Variants in IGSF11 observed in about 807,000 individuals in gnomAD.
IGSF11 encodes the protein CXADR like 1.
In IGSF11, 22 loss-of-function variants were observed where a neutral mutation model predicts 41.0. The observed-to-expected ratio is 0.54, with a 90% CI of 0.38 to 0.77. IGSF11 has a LOEUF of 0.77. IGSF11 is among the 30% of genes least tolerant of loss of function. The probability of loss-of-function intolerance (pLI) is 0.00; values close to 1 mark genes in which losing one functional copy is unlikely to be tolerated. For missense variants in IGSF11, 444 were observed against 530.8 expected (o/e 0.84, Z 1.61); for synonymous variants, 219 against 201.3 (o/e 1.09, Z -0.74).
rs148641453 is a variant in IGSF11, at chr3:118,932,502, AG to A, written c.53-2228del. Among the ~76,000 whole-genome samples the A allele has an allele frequency of 2.9e-3, 444 of 152,374 alleles. 2 individuals are homozygous for A. The highest frequency in any genetic ancestry group is 7.2e-3 in the South Asian group (35 of 4,832). ...AAATGTTTCATAAACTGTCTGTGATAGAACATAAAGCATTTGATGACATCAG... is the reference window on the plus strand; with the variant it reads ...AAATGTTTCATAAACTGTCTGTGATAAACATAAAGCATTTGATGACATCAG... On this transcript the variant is annotated intron_variant, in intron 1 of 6. Coordinates refer to ENST00000393775, the MANE Select transcript of IGSF11 (RefSeq NM_001015887.3).
At chr3:119,048,992 G>A (rs1357983956) in intron 1 of IGSF11, among the ~76,000 whole-genome samples, 5 of 151,944 alleles carry the variant, frequency 3.3e-5, no homozygotes, top group African/African-American at 7.3e-5. Flanking sequence ...TTGATGGGAC[G>A]TATTTCAAAA....
intron 1 of IGSF11, among the ~76,000 whole-genome samples, chr3:119,044,664 C>G (rs251453): frequency 0.44 from 67,193 of 151,916 alleles, 15,546 homozygotes; most frequent in African/African-American, 0.6. Context: ...TGAGGTAAAA[C>G]CATCTGGTAA....
chr3:118,931,986 G>A (rs1293345967), intron 1 of IGSF11, among the ~76,000 whole-genome samples: 3 of 152,076 alleles, frequency 2.0e-5, no homozygotes, highest in Non-Finnish European at 4.4e-5. Flanking sequence ...GGCCACCTTG[G>A]CCTCCCAAAG....
At chr3:119,129,041 T>C (rs2077441294) in intron 1 of IGSF11, among the ~76,000 whole-genome samples, 1 of 152,190 alleles carries the variant, frequency 6.6e-6, no homozygotes, top group Non-Finnish European at 1.5e-5. Flanking sequence ...GCCCTCATCC[T>C]CAGCAAAGTA....
intron 1 of IGSF11, among the ~76,000 whole-genome samples, chr3:119,020,872 C>T (rs777750092): frequency 2.6e-5 from 4 of 152,154 alleles, no homozygotes; most frequent in Non-Finnish European, 4.4e-5. Context: ...GATTCACATA[C>T]ATCTCCAAAC....
intron 1 of IGSF11, among the ~76,000 whole-genome samples, chr3:119,010,770 T>G (rs1938024837): frequency 6.6e-6 from 1 of 152,218 alleles, no homozygotes; most frequent in South Asian, 2.1e-4. Flanking sequence ...CATATCTATA[T>G]ATATCTAATG....
chr3:118,931,493 A>G (rs1432937590), intron 1 of IGSF11, among the ~76,000 whole-genome samples: 1 of 152,240 alleles, frequency 6.6e-6, no homozygotes, highest in African/African-American at 2.4e-5. Flanking sequence ...CAAAGTACTG[A>G]TACATCTTAC....
At chr3:119,074,619 G>T (rs2076460820) in intron 1 of IGSF11, among the ~76,000 whole-genome samples, 1 of 151,292 alleles carries the variant, frequency 6.6e-6, no homozygotes, top group Non-Finnish European at 1.5e-5. Flanking sequence ...ACTTTGGGAG[G>T]CCGAGGCAGG....
chr3:119,105,558 G>T (rs2077008896), upstream of IGSF11, among the ~76,000 whole-genome samples: 1 of 152,148 alleles, frequency 6.6e-6, no homozygotes, highest in Non-Finnish European at 1.5e-5. Flanking sequence ...CTTGTAGTAG[G>T]TCACCTGCAT....
chr3:118,923,464 T>C (rs75542449), intron 4 of IGSF11, among the ~76,000 whole-genome samples: 4,227 of 152,314 alleles, frequency 0.028, 179 homozygotes, highest in African/African-American at 0.096. Flanking sequence ...TCTGATCTAA[T>C]AGTATTAGCT....
At chr3:119,045,189 G>A (rs917717322) in intron 1 of IGSF11, among the ~76,000 whole-genome samples, 6 of 152,242 alleles carry the variant, frequency 3.9e-5, no homozygotes, top group African/African-American at 1.4e-4. Flanking sequence ...CCCAGCGTGA[G>A]CGACACAGAA....
chr3:118,974,026 T>C (rs77493433), intron 1 of IGSF11, among the ~76,000 whole-genome samples: 1 of 151,926 alleles, frequency 6.6e-6, no homozygotes, highest in East Asian at 1.9e-4. Context: ...GATGGGTTGA[T>C]AGGTGCAGCA....
chr3:118,904,722 T>C lies in IGSF11; in HGVS notation c.780A>G (p.Leu260=), dbSNP rs1939363779. The change falls in exon 6 of 7, where the codon CTA becomes CTG. Residue 260 remains leucine (L), a synonymous_variant. Coordinates refer to ENST00000393775, the MANE Select transcript of IGSF11 (RefSeq NM_001015887.3). ...TCCAGTAAAAGAATGCCCCTAAAAT[T>C]AGTGCAATGCAAAAAATGATAATAA... is the stretch of plus-strand genomic sequence containing the variant. ...GAVIIIFCIA[L]ILGAFFYWRS... 1 of 1,613,368 alleles carries C rather than the reference T, an allele frequency of 6.2e-7. No individual in the cohort carries two copies. Among genetic ancestry groups the C allele is most frequent in the East Asian group, 2.2e-5 (1 of 44,856 alleles).
chr3:119,068,110 C>T (rs146300997), intron 1 of IGSF11, among the ~76,000 whole-genome samples: 2 of 152,326 alleles, frequency 1.3e-5, no homozygotes, highest in African/African-American at 2.4e-5. Context: ...CTCACTGCTA[C>T]AAGATAAATG....
At chr3:118,967,818 T>TA (rs1242099761) in intron 1 of IGSF11, among the ~76,000 whole-genome samples, 1 of 152,202 alleles carries the variant, frequency 6.6e-6, no homozygotes, top group Non-Finnish European at 1.5e-5. Context: ...GGAGCTTTTC[T>TA]ATCTTATTTT....
At chr3:119,034,853 C>A (rs913908894), upstream of IGSF11, 21 of 1,217,668 alleles carry the variant, frequency 1.7e-5, no homozygotes, top group Non-Finnish European at 1.9e-5. Context: ...GACTAGCCGA[C>A]CCCTCGCGCA....
At position 118,962,260 on chromosome 3, in the gene IGSF11, C is replaced by T. The variant is rs556505310; in HGVS notation, c.53-31985G>A. ...TGGAAGTTTCTTCACAAGTTCTCCC[C>T]TTTCTTTTGTCAATTATTATATTAT... On this transcript the variant is annotated intron_variant, in intron 1 of 6. Transcript: ENST00000393775. Among the ~76,000 whole-genome samples the T allele has an allele frequency of 2.7e-4, 41 of 152,246 alleles. 1 individual carries two copies. The East Asian group carries it at 7.7e-3, about 29-fold the overall frequency.
intron 1 of IGSF11, among the ~76,000 whole-genome samples, chr3:118,936,309 C>A (rs1159440383): frequency 6.6e-6 from 1 of 151,748 alleles, no homozygotes; most frequent in Non-Finnish European, 1.5e-5. Flanking sequence ...GAGTTCGAGA[C>A]CAGCCTGGCC....
chr3:119,075,614 A>G (rs560777042), intron 1 of IGSF11, among the ~76,000 whole-genome samples: 1 of 152,332 alleles, frequency 6.6e-6, no homozygotes, highest in South Asian at 2.1e-4. Context: ...ATCACATCAA[A>G]AAGCTAATCC....
Sources: allele counts gnomAD v4.1 joint callset (sites outside exome capture counted in the v4.1 genomes callset), GRCh38; gene constraint gnomAD v4.1.1; transcripts MANE v1.5; gene names NCBI Gene and HGNC (gene_info 2026-07-23, HGNC 2026-07-21).